Variants in ARFGEF3 observed in about 807,000 individuals in gnomAD.
ARFGEF3 encodes brefeldin A-inhibited guanine nucleotide-exchange protein 3.
A neutral mutation model predicts 221.7 loss-of-function variants in ARFGEF3; 96 were observed. That is an observed-to-expected ratio of 0.43 (90% CI 0.37 to 0.51). ARFGEF3 has a LOEUF of 0.51. Ranked by LOEUF, ARFGEF3 falls within the 20% of genes least tolerant of loss-of-function variation. The pLI is 0.00. For synonymous variants in ARFGEF3, 1,145 were observed against 1,126.8 expected (o/e 1.02, Z -0.32); for missense variants, 2,410 against 2,789.9 (o/e 0.86, Z 3.07).
intron 27 of ARFGEF3, 148 bp from the exon 28 acceptor site, chr6:138,319,555 A>T: frequency 1.6e-6 from 1 of 622,908 alleles, no homozygotes. Context: ...ACTGAAGACC[A>T]TATATTCCCC....
chr6:138,268,794 G>T (rs962026760), intron 12 of ARFGEF3, among the ~76,000 whole-genome samples: 1 of 152,200 alleles, frequency 6.6e-6, no homozygotes, highest in African/African-American at 2.4e-5. Context: ...TTGCAGTCTT[G>T]TGACTTACTT....
At chr6:138,306,991 G>T (rs994599982) in intron 22 of ARFGEF3, among the ~76,000 whole-genome samples, 13 of 147,542 alleles carry the variant, frequency 8.8e-5, no homozygotes, top group Admixed American at 5.4e-4. Flanking sequence ...AAGAAGACAT[G>T]AACCCAATTT....
intron 4 of ARFGEF3, among the ~76,000 whole-genome samples, chr6:138,220,643 C>A (rs565716467): frequency 6.6e-6 from 1 of 152,172 alleles, no homozygotes; most frequent in African/African-American, 2.4e-5. Flanking sequence ...TAAGTCTTTT[C>A]CACTCAACCT....
chr6:138,313,814 A>C lies in ARFGEF3; in HGVS notation c.4220A>C (p.Lys1407Thr). ...RCSQLLAKIY[K>T]MPLKPIFLSG... ...ATTTAGTTATTGGCCAAAATCTACA[A>C]AATGCCCTTGAAGCCAATATTCCTT... The change falls in exon 26 of 34, where the codon AAA (lysine) becomes ACA (threonine). Residue 1407 changes from lysine to threonine, a missense_variant. By Grantham distance (78) the Lys-to-Thr change is moderately conservative (BLOSUM62 -1). Coordinates refer to ENST00000251691, the MANE Select transcript of ARFGEF3 (RefSeq NM_020340.5). 1 of 1,613,764 alleles carries C rather than the reference A, an allele frequency of 6.2e-7. No homozygotes were observed. The highest frequency in any genetic ancestry group is 8.5e-7 in the Non-Finnish European group (1 of 1,179,836).
At chr6:138,219,051 T>G (rs908013612) in intron 4 of ARFGEF3, among the ~76,000 whole-genome samples, 2 of 152,052 alleles carry the variant, frequency 1.3e-5, no homozygotes, top group African/African-American at 4.8e-5. Flanking sequence ...TATAATTCAG[T>G]AGGAAAGCAA....
intron 12 of ARFGEF3, among the ~76,000 whole-genome samples, chr6:138,269,277 A>G (rs778858664): frequency 1.1e-4 from 16 of 152,220 alleles, no homozygotes; most frequent in Admixed American, 7.2e-4. Context: ...GAATGGGCTG[A>G]AGTCTCTGGA....
At chr6:138,316,107 C>G (rs183807814) in intron 26 of ARFGEF3, among the ~76,000 whole-genome samples, 2 of 152,078 alleles carry the variant, frequency 1.3e-5, no homozygotes, top group African/African-American at 4.8e-5. Context: ...TATGTAACGT[C>G]GAGCATTCTC....
chr6:138,237,743 G>T (rs1778314022), intron 5 of ARFGEF3, among the ~76,000 whole-genome samples: 2 of 152,198 alleles, frequency 1.3e-5, no homozygotes, highest in Middle Eastern at 3.4e-3. Context: ...CAGCGTAGGT[G>T]CAAGGAGATG....
intron 22 of ARFGEF3, among the ~76,000 whole-genome samples, chr6:138,300,066 AAC>A (rs899847890): frequency 1.6e-4 from 24 of 152,208 alleles, no homozygotes; most frequent in African/African-American, 5.3e-4. Flanking sequence ...AAAGTCACAA[AAC>A]ACACAAGAAA....
rs904072471 is a variant in ARFGEF3 at position 138,341,457 on chromosome 6, T to C, written c.*4971T>C. On this transcript the variant is annotated 3_prime_UTR_variant, in exon 34 of 34. Transcript: ENST00000251691. ...ACAGGCAGAAGGAAAATCCAGAGTCTTGCAGTAAGCAGATGACAAAACTTC... is the reference window on the plus strand; with the variant it reads ...ACAGGCAGAAGGAAAATCCAGAGTCCTGCAGTAAGCAGATGACAAAACTTC... 5 of 154,838 alleles carry C rather than the reference T, an allele frequency of 3.2e-5. No homozygotes were observed. Among genetic ancestry groups the C allele is most frequent in the Non-Finnish European group, 7.3e-5 (5 of 68,232 alleles). The allele number at this position is 154,838 out of a possible 1,614,324, so 9.6% of individuals were successfully genotyped here. A position where few individuals can be genotyped will look rare whatever the true frequency, so the allele number is the denominator to read the frequency against.
chr6:138,168,494 G>A (rs532455330), intron 1 of ARFGEF3, among the ~76,000 whole-genome samples: 1 of 152,268 alleles, frequency 6.6e-6, no homozygotes, highest in Non-Finnish European at 1.5e-5. Flanking sequence ...GAGTCATTTG[G>A]GGTGGAGGAA....
intron 3 of ARFGEF3, among the ~76,000 whole-genome samples, chr6:138,209,249 A>G (rs1341467295): frequency 6.6e-6 from 1 of 152,136 alleles, no homozygotes; most frequent in Non-Finnish European, 1.5e-5. Context: ...CTTTCCTGTG[A>G]CGAAGCCACA....
At chr6:138,279,934 G>C in intron 13 of ARFGEF3, 65 bp from the exon 14 acceptor site, 1 of 1,518,360 alleles carries the variant, frequency 6.6e-7, no homozygotes. Context: ...GGCAGCAGAG[G>C]CACTTAGGAG....
chr6:138,329,533 A>C (rs1384954582), intron 32 of ARFGEF3, among the ~76,000 whole-genome samples: 1 of 152,106 alleles, frequency 6.6e-6, no homozygotes, highest in Non-Finnish European at 1.5e-5. Flanking sequence ...GCATGATGGC[A>C]TGCACCTGTA....
At chr6:138,185,772 T>C (rs553304569) in intron 2 of ARFGEF3, among the ~76,000 whole-genome samples, 1 of 152,258 alleles carries the variant, frequency 6.6e-6, no homozygotes, top group South Asian at 2.1e-4. Flanking sequence ...ACTTGTAGAA[T>C]CTCCCATCCA....
intron 1 of ARFGEF3, among the ~76,000 whole-genome samples, chr6:138,165,021 C>T (rs1776696867): frequency 6.6e-6 from 1 of 151,730 alleles, no homozygotes; most frequent in South Asian, 2.1e-4. Context: ...CTACTTAGAC[C>T]ATCATGGGAG....
intron 5 of ARFGEF3, among the ~76,000 whole-genome samples, chr6:138,236,759 A>T (rs1778296106): frequency 6.6e-6 from 1 of 152,192 alleles, no homozygotes. Context: ...GTGAGCCACC[A>T]CATCTAGCCT....
intron 2 of ARFGEF3, among the ~76,000 whole-genome samples, chr6:138,187,916 C>T (rs988942478): frequency 1.3e-5 from 2 of 152,112 alleles, no homozygotes; most frequent in African/African-American, 4.8e-5. Flanking sequence ...GGAACCTCTC[C>T]CAATTATACT....
In ARFGEF3 at chr6:138,296,855, T is replaced by C. The variant is rs1397885203; in HGVS notation, c.3548T>C (p.Phe1183Ser). Residue 1183 changes from phenylalanine (F) to serine (S), a missense_variant, in exon 21 of 34, where the codon TTC (phenylalanine) becomes TCC (serine). Physicochemically the swap from Phe to Ser is radical, Grantham distance 155 (BLOSUM62 -2). Around this residue, in one of 5 missense-constraint regions of ARFGEF3, gnomAD observed 723 missense variants for 991.9 expected, o/e 0.73. Transcript: ENST00000251691. ...TQDRKSALHL[F>S]RLGNAMLRIV... ...GACCGAAAAAGCGCCCTCCACCTGT[T>C]CCGCCTGGGGAATGCCATGCTGAGG... is the stretch of plus-strand genomic sequence containing the variant. 6.2e-7 allele frequency: 1 copy of C among 1,613,982 alleles called. No homozygotes were observed. Among genetic ancestry groups the C allele is most frequent in the Non-Finnish European group, 8.5e-7 (1 of 1,179,884 alleles).
Sources: gnomAD v4.1 joint callset for allele counts (sites outside exome capture counted in the v4.1 genomes callset) on GRCh38, gnomAD v4.1.1 for gene constraint, gnomAD v4.1.1 regional missense constraint, MANE v1.5 for transcripts, NCBI Gene and HGNC (gene_info 2026-07-23, HGNC 2026-07-21) for gene names.